The following ITPR1 variants were observed in gnomAD, a reference collection of about 807,000 sequenced individuals.
ITPR1 encodes the protein inositol 1,4,5-trisphosphate-gated calcium channel ITPR1.
In ITPR1, 96 loss-of-function variants were observed where a neutral mutation model predicts 318.4. That is an observed-to-expected ratio of 0.30 (90% CI 0.26 to 0.36). The LOEUF is 0.36. Among genes scored for constraint, ITPR1 ranks in the 10% least tolerant of loss-of-function variants. The pLI, the probability that ITPR1 is intolerant of heterozygous loss-of-function variation, is 1.00. For synonymous variants in ITPR1, 1,312 were observed against 1,289.9 expected, an observed-to-expected ratio of 1.02 and a Z score of -0.37; for missense variants, 2,440 against 3,460.2, an observed-to-expected ratio of 0.71 and a Z score of 7.40.
intron 42 of ITPR1, 45 bp from the exon 43 acceptor site, chr3:4,733,043 T>A (rs1476035431): frequency 1.9e-6 from 3 of 1,588,796 alleles, no homozygotes; most frequent in Non-Finnish European, 1.7e-6. Context: ...CCCTCGGTGA[T>A]GCATTAAATG....
intron 26 of ITPR1, 119 bp downstream of exon 26, chr3:4,681,537 A>G (rs921511395): frequency 4.1e-6 from 3 of 736,094 alleles, no homozygotes; most frequent in South Asian, 1.6e-5. Flanking sequence ...TTTTGGTGCT[A>G]TCTTTGGAAC....
intron 40 of ITPR1, among the ~76,000 whole-genome samples, chr3:4,725,239 ACTTG>A (rs2042424477): frequency 6.6e-6 from 1 of 151,768 alleles, no homozygotes; most frequent in Non-Finnish European, 1.5e-5. Context: ...TTTTCCTGTC[ACTTG>A]CTTTGTTTTA....
chr3:4,568,512 A>T (rs2087621818), intron 4 of ITPR1, among the ~76,000 whole-genome samples: 1 of 152,124 alleles, frequency 6.6e-6, no homozygotes, highest in East Asian at 1.9e-4. Flanking sequence ...GTGGCTGGTA[A>T]TATAGGGAGC....
chr3:4,686,759 T>C (rs1387663579), intron 30 of ITPR1, among the ~76,000 whole-genome samples: 1 of 152,146 alleles, frequency 6.6e-6, no homozygotes, highest in African/African-American at 2.4e-5. Context: ...CTTGGAAAAA[T>C]CCGCTTCACA....
chr3:4,795,555 C>T (rs1022814893), intron 53 of ITPR1, among the ~76,000 whole-genome samples: 3 of 152,186 alleles, frequency 2.0e-5, no homozygotes, highest in East Asian at 3.9e-4. Context: ...AAAACGTAGA[C>T]GTCTTGATGC....
chr3:4,756,452 G>A (rs2044995715), intron 44 of ITPR1, among the ~76,000 whole-genome samples: 1 of 152,070 alleles, frequency 6.6e-6, no homozygotes, highest in African/African-American at 2.4e-5. Context: ...GTACCCAATA[G>A]TTATTTTTTC....
At chr3:4,507,556 T>A (rs992165014) in intron 2 of ITPR1, among the ~76,000 whole-genome samples, 1 of 152,202 alleles carries the variant, frequency 6.6e-6, no homozygotes, top group Non-Finnish European at 1.5e-5. Flanking sequence ...AAAGAAACGC[T>A]GAGAATGTGG....
intron 5 of ITPR1, among the ~76,000 whole-genome samples, chr3:4,633,441 T>C (rs918916108): frequency 6.6e-6 from 1 of 152,348 alleles, no homozygotes; most frequent in Non-Finnish European, 1.5e-5. Flanking sequence ...ATTTTTATTT[T>C]TCTCAACTAC....
At position 4,674,962 on chromosome 3, in the gene ITPR1, T is replaced by C. The variant is rs1240773623; in HGVS notation, c.2599-106T>C. 1.1e-5 allele frequency: 7 copies of C among 611,164 alleles called. No homozygotes were observed. In the East Asian group the frequency reaches 2.0e-4, roughly 18 times the overall value. The allele number at this position is 611,164 out of a possible 1,614,324, so 37.9% of individuals were successfully genotyped here. A position where few individuals can be genotyped will look rare whatever the true frequency, so the allele number is the denominator to read the frequency against. On this transcript the variant is annotated intron_variant, in intron 22 of 61. Transcript: ENST00000649015. The stretch of plus-strand genomic sequence containing the variant: ...GGAAAATACATGCCTTCTCTTACCA[T>C]AAGGAAGGTCCAAGTCTGTCATTTC...
chr3:4,706,096 G>A (rs545650769), intron 36 of ITPR1, 71 bp from the exon 37 acceptor site: 1 of 1,531,808 alleles, frequency 6.5e-7, no homozygotes, highest in Non-Finnish European at 9.0e-7. Context: ...TGGGGACTAG[G>A]GCATTACGTC....
In ITPR1 at chr3:4,521,054, A is replaced by G; in HGVS notation, c.123A>G (p.Pro41=). Residue 41 remains proline (P), a synonymous_variant, in exon 4 of 62, where the codon CCA becomes CCG. Coordinates refer to ENST00000649015, the MANE Select transcript of ITPR1 (RefSeq NM_001378452.1). ...TTGATGATCGTTGTGTTGTACAGCC[A>G]GAAACCGGGGACCTTAACAATCCAC... ...GLVDDRCVVQ[P]ETGDLNNPPK... is the part of the protein sequence containing the mutation. 6.2e-7 allele frequency: 1 copy of G among 1,613,814 alleles called. No homozygotes were observed. Among genetic ancestry groups the G allele is most frequent in the Non-Finnish European group, 8.5e-7 (1 of 1,179,700 alleles).
At chr3:4,812,080 C>T (rs1386661606) in intron 56 of ITPR1, among the ~76,000 whole-genome samples, 1 of 150,580 alleles carries the variant, frequency 6.6e-6, no homozygotes, top group African/African-American at 2.5e-5. Context: ...CACTCTGTCT[C>T]CCAGGCTGAT....
intron 61 of ITPR1, among the ~76,000 whole-genome samples, chr3:4,839,000 AG>A (rs2051135905): frequency 6.6e-6 from 1 of 152,222 alleles, no homozygotes; most frequent in Admixed American, 6.5e-5. Flanking sequence ...GCCTCATCAA[AG>A]GAGTGAGTTG....
At chr3:4,690,864 C>T (rs990580653) in intron 31 of ITPR1, among the ~76,000 whole-genome samples, 1 of 152,088 alleles carries the variant, frequency 6.6e-6, no homozygotes, top group African/African-American at 2.4e-5. Context: ...TAAAGGAGAC[C>T]TGTTTTGTTT....
intron 5 of ITPR1, among the ~76,000 whole-genome samples, chr3:4,634,046 T>G (rs2093100453): frequency 1.3e-5 from 2 of 152,244 alleles, no homozygotes; most frequent in Non-Finnish European, 2.9e-5. Context: ...GACCTTGATG[T>G]TGCTTAGGGA....
intron 52 of ITPR1, 24 bp from the exon 53 acceptor site, chr3:4,795,041 G>T (rs543012499): frequency 6.3e-7 from 1 of 1,584,598 alleles, no homozygotes; most frequent in East Asian, 2.3e-5. Flanking sequence ...CCAGCCTCAC[G>T]CGGCTTTGCC....
At chr3:4,588,211 T>A (rs2090085145) in intron 4 of ITPR1, among the ~76,000 whole-genome samples, 1 of 152,234 alleles carries the variant, frequency 6.6e-6, no homozygotes, top group African/African-American at 2.4e-5. Context: ...GCATACAGTC[T>A]TCTCATATTC....
intron 4 of ITPR1, among the ~76,000 whole-genome samples, chr3:4,528,658 G>C (rs550877421): frequency 1.3e-5 from 2 of 152,206 alleles, no homozygotes; most frequent in African/African-American, 4.8e-5. Flanking sequence ...TTCATAGTAG[G>C]GGTATAGGAC....
chr3:4,775,111 C>T, intron 46 of ITPR1, 131 bp from the exon 47 acceptor site: 1 of 736,008 alleles, frequency 1.4e-6, no homozygotes, highest in Non-Finnish European at 2.4e-6. Flanking sequence ...ACTGACTCTT[C>T]CATGCTCTCC....
Sources: gnomAD v4.1 joint callset for allele counts (sites outside exome capture counted in the v4.1 genomes callset) on GRCh38, gnomAD v4.1.1 for gene constraint, MANE v1.5 for transcripts, NCBI Gene and HGNC (gene_info 2026-07-23, HGNC 2026-07-21) for gene names.